Variants in HOXA4 observed in about 807,000 individuals in gnomAD.
HOXA4 encodes homeobox A4.
HOXA4 carries 31 observed loss-of-function variants against 25.3 expected under a neutral mutation model. The observed-to-expected ratio is 1.22, with a 90% CI of 0.92 to 1.65. HOXA4 has a LOEUF of 1.65. Among genes scored for constraint, HOXA4 ranks in the 40% most tolerant of loss-of-function variants. The pLI, the probability that HOXA4 is intolerant of heterozygous loss-of-function variation, is 0.00. For synonymous variants in HOXA4, 225 were observed against 207.7 expected, an observed-to-expected ratio of 1.08 and a Z score of -0.72; for missense variants, 459 against 446.0, an observed-to-expected ratio of 1.03 and a Z score of -0.26.
Position 27,129,535 on chromosome 7 carries a change from G to C in HOXA4, c.653C>G (p.Ser218Cys), listed in dbSNP as rs756186939. 1 of 1,613,988 alleles carries C rather than the reference G, an allele frequency of 6.2e-7. No individual in the cohort carries two copies. The highest frequency in any genetic ancestry group is 8.5e-7 in the Non-Finnish European group (1 of 1,180,020). Residue 218 changes from serine to cysteine, a missense_variant, in exon 2 of 2, where the codon TCT (serine) becomes TGT (cysteine). Ser to Cys is a moderately radical substitution (Grantham distance 112). Coordinates refer to ENST00000360046, the MANE Select transcript of HOXA4 (RefSeq NM_002141.5). ...PSYNGGEPKR[S>C]RTAYTRQQVL... ...CTGCTGCCGGGTGTAGGCGGTTCGA[G>C]AGCGCTTAGGCTCCCCTCCGTTATA... is the stretch of plus-strand genomic sequence containing the variant.
Position 27,129,242 on chromosome 7 carries a change from CG to C in HOXA4, c.945del (p.Val316PhefsTer38). On this transcript the variant is annotated frameshift_variant, in exon 2 of 2. Coordinates refer to ENST00000360046, the MANE Select transcript of HOXA4 (RefSeq NM_002141.5). LOFTEE classifies it high-confidence loss of function. ...CTAGAAGATTATATGGAGGAGGGAA[CG>C]GGTGTGGAGGTGCTCGGGTGGGGGT... ...HPHPHPSTST[P>X]VPSSI 1 of 1,369,296 alleles carries C rather than the reference CG, an allele frequency of 7.3e-7. No individual in the cohort carries two copies. 84.8% of individuals were successfully genotyped at this position (1,369,296 alleles called of 1,614,324 possible). A position where few individuals can be genotyped will look rare whatever the true frequency, so the allele number is the denominator to read the frequency against.
In HOXA4 at chr7:27,130,327, A is replaced by T. The variant is rs1416496517; in HGVS notation, c.407T>A (p.Leu136Gln). The T allele has an allele frequency of 1.8e-6, 2 of 1,100,726 alleles. No individual in the cohort carries two copies. Among genetic ancestry groups the T allele is most frequent in the East Asian group, 1.0e-4 (2 of 19,268 alleles). The allele number at this position is 1,100,726 out of a possible 1,614,324, so 68.2% of individuals were successfully genotyped here. A position where few individuals can be genotyped will look rare whatever the true frequency, so the allele number is the denominator to read the frequency against. Residue 136 changes from leucine to glutamine, a missense_variant, in exon 1 of 2, where the codon CTG becomes CAG. By Grantham distance (113) the Leu-to-Gln change is moderately radical (BLOSUM62 -2). Transcript: ENST00000360046. ...PAHGLHASHV[L>Q]QPQLPPPLQP... ...CAGGGGCGGCGGCAGCTGGGGCTGC[A>T]GGACGTGGCTCGCATGCAGGCCGTG...
At position 27,130,613 on chromosome 7, in the gene HOXA4, CG is replaced by C. The variant is rs1562723181; in HGVS notation, c.120del (p.Gly41AlafsTer147). On this transcript the variant is annotated frameshift_variant, in exon 1 of 2. Coordinates refer to ENST00000360046, the MANE Select transcript of HOXA4 (RefSeq NM_002141.5). LOFTEE classifies it high-confidence loss of function. ...GGADGGPGGGPGYQQPPAPPT... is the reference protein window; with the variant it reads ...GGADGGPGGGXGYQQPPAPPT... ...GGGGGCGCTGGGGGCTGCTGGTAGC[CG>C]GGGCCCCCGCCCGGGCCGCCGTCTG... 6.5e-7 allele frequency: 1 copy of C among 1,548,652 alleles called. No individual in the cohort carries two copies. Among genetic ancestry groups the C allele is most frequent in the Admixed American group, 1.9e-5 (1 of 51,808 alleles).
chr7:27,130,712 T>C lies in HOXA4; in HGVS notation c.22A>G (p.Ile8Val). 1 of 1,607,876 alleles carries C rather than the reference T, an allele frequency of 6.2e-7. No individual in the cohort carries two copies. Among genetic ancestry groups the C allele is most frequent in the Non-Finnish European group, 8.5e-7 (1 of 1,176,934 alleles). ...TTGGGCTCGATGTAGTTGGAGTTTA[T>C]CAAAAACGAGCTCATGGTCATTAAT... MTMSSFL[I>V]NSNYIEPKFP... Residue 8 changes from isoleucine to valine, a missense_variant, in exon 1 of 2, where the codon ATA becomes GTA. Coordinates refer to ENST00000360046, the MANE Select transcript of HOXA4 (RefSeq NM_002141.5).
rs1290913406 is a variant in HOXA4, at chr7:27,130,266, G to C, written c.468C>G (p.Arg156=). The C allele has an allele frequency of 2.6e-6, 3 of 1,156,276 alleles. No individual in the cohort carries two copies. In the African/African-American group the frequency reaches 5.0e-5, roughly 19 times the overall value. 71.6% of individuals were successfully genotyped at this position (1,156,276 alleles called of 1,614,324 possible). ...PRAVPPAAPR[R]CEAAPATPGV... is the part of the protein sequence containing the mutation. ...CTGGGGTGGCGGGGGCCGCCTCGCA[G>C]CGCCGCGGGGCCGCTGGGGGCACGG... Residue 156 remains arginine (R), a synonymous_variant, in exon 1 of 2, where the codon CGC becomes CGG. Coordinates refer to ENST00000360046, the MANE Select transcript of HOXA4 (RefSeq NM_002141.5).
rs1785480771 is a variant in HOXA4, at chr7:27,130,338, C to T, written c.396G>A (p.Ala132=). The T allele has an allele frequency of 1.8e-6, 2 of 1,112,620 alleles. No homozygotes were observed. The highest frequency in any genetic ancestry group is 8.6e-5 in the South Asian group (2 of 23,274). 68.9% of individuals were successfully genotyped at this position (1,112,620 alleles called of 1,614,324 possible). A position where few individuals can be genotyped will look rare whatever the true frequency, so the allele number is the denominator to read the frequency against. ...QAKGPAHGLH[A]SHVLQPQLPP... ...GCAGCTGGGGCTGCAGGACGTGGCT[C>T]GCATGCAGGCCGTGCGCTGGGCCCT... The change falls in exon 1 of 2, where the codon GCG becomes GCA. Residue 132 remains alanine (A), a synonymous_variant. Coordinates refer to ENST00000360046, the MANE Select transcript of HOXA4 (RefSeq NM_002141.5).
In HOXA4 at chr7:27,130,542, G is replaced by T. The variant is rs1324118880; in HGVS notation, c.192C>A (p.Gly64=). The change falls in exon 1 of 2, where the codon GGC becomes GGA. Residue 64 remains glycine (G), a synonymous_variant. Coordinates refer to ENST00000360046, the MANE Select transcript of HOXA4 (RefSeq NM_002141.5). The part of the protein sequence containing the change: ...PLQQPQLPHA[G]GGREPTASYY... ...AGGAGGCAGTGGGCTCTCGGCCGCC[G>T]CCCGCGTGAGGGAGCTGGGGCTGCT... 6 of 1,374,864 alleles carry T rather than the reference G, an allele frequency of 4.4e-6. No homozygotes were observed. The highest frequency in any genetic ancestry group is 5.7e-6 in the Non-Finnish European group (6 of 1,059,726). The allele number at this position is 1,374,864 out of a possible 1,614,324, so 85.2% of individuals were successfully genotyped here.
In HOXA4 at chr7:27,129,529, G is replaced by C. The variant is rs1202003894; in HGVS notation, c.659C>G (p.Thr220Ser). The C allele has an allele frequency of 6.2e-7, 1 of 1,614,122 alleles. No individual in the cohort carries two copies. The highest frequency in any genetic ancestry group is 1.1e-5 in the South Asian group (1 of 91,084). Reference protein sequence around the residue: ...YNGGEPKRSRTAYTRQQVLEL... With the variant: ...YNGGEPKRSRSAYTRQQVLEL... ...CAAGACCTGCTGCCGGGTGTAGGCG[G>C]TTCGAGAGCGCTTAGGCTCCCCTCC... The change falls in exon 2 of 2, where the codon ACC becomes AGC. Residue 220 changes from threonine to serine, a missense_variant. Coordinates refer to ENST00000360046, the MANE Select transcript of HOXA4 (RefSeq NM_002141.5).
In HOXA4 at chr7:27,130,598, G is replaced by C; in HGVS notation, c.136C>G (p.Pro46Ala). 6.5e-7 allele frequency: 1 copy of C among 1,531,802 alleles called. No homozygotes were observed. The highest frequency in any genetic ancestry group is 8.8e-7 in the Non-Finnish European group (1 of 1,137,436). 94.9% of individuals were successfully genotyped at this position (1,531,802 alleles called of 1,614,324 possible). ...GGCAGGTGCTGGGTCGGGGGCGCTG[G>C]GGGCTGCTGGTAGCCGGGGCCCCCG... ...PGGGPGYQQP[P>A]APPTQHLPLQ... is the part of the protein sequence containing the mutation. Residue 46 changes from proline (P) to alanine (A), a missense_variant, in exon 1 of 2, where the codon CCA becomes GCA. Transcript: ENST00000360046.
At position 27,129,450 on chromosome 7, in the gene HOXA4, G is replaced by A; in HGVS notation, c.738C>T (p.Ile246=). The change falls in exon 2 of 2, where the codon ATC becomes ATT. Residue 246 remains isoleucine, a synonymous_variant. Transcript: ENST00000360046. ...ACAAACAGAGCGTGTGGGCGATCTC[G>A]ATGCGGCGCCGCCGGGTCAGGTATC... ...FNRYLTRRRR[I]EIAHTLCLSE... The A allele has an allele frequency of 6.2e-7, 1 of 1,614,222 alleles. No homozygotes were observed.
Position 27,130,236 on chromosome 7 carries a change from G to C in HOXA4, c.498C>G (p.Val166=), listed in dbSNP as rs754293061. The C allele has an allele frequency of 2.5e-5, 33 of 1,329,604 alleles. No homozygotes were observed. The highest frequency in any genetic ancestry group is 2.6e-5 in the Non-Finnish European group (27 of 1,037,688). 82.4% of individuals were successfully genotyped at this position (1,329,604 alleles called of 1,614,324 possible). A position where few individuals can be genotyped will look rare whatever the true frequency, so the allele number is the denominator to read the frequency against. Residue 166 remains valine, a synonymous_variant, in exon 1 of 2, where the codon GTC becomes GTG. Coordinates refer to ENST00000360046, the MANE Select transcript of HOXA4 (RefSeq NM_002141.5). ...RCEAAPATPG[V]PAGGSAPACP... ...ACGCGGGGGCGCTGCCCCCTGCCGG[G>C]ACGCCTGGGGTGGCGGGGGCCGCCT...
At chr7:27,129,621 G>T in intron 1 of HOXA4, 50 bp from the exon 2 acceptor site, 2 of 1,598,708 alleles carry the variant, frequency 1.3e-6, no homozygotes, top group Non-Finnish European at 1.7e-6. Context: ...GGGAGCGGAA[G>T]AGAGGGAAAG....
chr7:27,129,523 T>A lies in HOXA4; in HGVS notation c.665A>T (p.Tyr222Phe). The A allele has an allele frequency of 1.2e-6, 2 of 1,614,044 alleles. No homozygotes were observed. The highest frequency in any genetic ancestry group is 8.5e-7 in the Non-Finnish European group (1 of 1,180,022). The change falls in exon 2 of 2, where the codon TAC (tyrosine) becomes TTC (phenylalanine). Residue 222 changes from tyrosine to phenylalanine, a missense_variant. Tyr to Phe is a conservative substitution (Grantham distance 22, BLOSUM62 3). Transcript: ENST00000360046. Reference sequence around the variant, plus strand: ...CAGCTCCAAGACCTGCTGCCGGGTGTAGGCGGTTCGAGAGCGCTTAGGCTC... The same window carrying A: ...CAGCTCCAAGACCTGCTGCCGGGTGAAGGCGGTTCGAGAGCGCTTAGGCTC... The part of the protein sequence containing the change: ...GGEPKRSRTA[Y>F]TRQQVLELEK...
Position 27,129,519 on chromosome 7 carries a change from G to C in HOXA4, c.669C>G (p.Thr223=). ...GEPKRSRTAY[T]RQQVLELEKE... is the part of the protein sequence containing the mutation. ...TCTCCAGCTCCAAGACCTGCTGCCG[G>C]GTGTAGGCGGTTCGAGAGCGCTTAG... The change falls in exon 2 of 2, where the codon ACC becomes ACG. Residue 223 remains threonine (T), a synonymous_variant. Transcript: ENST00000360046. The C allele has an allele frequency of 6.2e-7, 1 of 1,614,144 alleles. No individual in the cohort carries two copies. Among genetic ancestry groups the C allele is most frequent in the South Asian group, 1.1e-5 (1 of 91,076 alleles).
rs892636945 is a variant in HOXA4, at chr7:27,128,709, C to T, written c.*516G>A. 4 of 168,268 alleles carry T rather than the reference C, an allele frequency of 2.4e-5. No homozygotes were observed. The highest frequency in any genetic ancestry group is 5.3e-5 in the Non-Finnish European group (4 of 76,008). 10.4% of individuals were successfully genotyped at this position (168,268 alleles called of 1,614,324 possible). ...AAGTAAGAAAAACTAACATGTCACA[C>T]CTACCATCAAGGTCTACACATCTTA... On this transcript the variant is annotated 3_prime_UTR_variant, in exon 2 of 2. Coordinates refer to ENST00000360046, the MANE Select transcript of HOXA4 (RefSeq NM_002141.5).
chr7:27,130,081 G>C (rs1380877556), intron 1 of HOXA4, 37 bp downstream of exon 1: 2 of 1,555,422 alleles, frequency 1.3e-6, no homozygotes, highest in Non-Finnish European at 1.7e-6. Context: ...GCCCAGCCCC[G>C]GCCCACCTCC....
At position 27,130,170 on chromosome 7, in the gene HOXA4, C is replaced by T. The variant is rs867495371; in HGVS notation, c.564G>A (p.Lys188=). The T allele has an allele frequency of 3.8e-6, 6 of 1,598,064 alleles. No homozygotes were observed. Among genetic ancestry groups the T allele is most frequent in the East Asian group, 2.3e-5 (1 of 44,206 alleles). Residue 188 remains lysine, a synonymous_variant, in exon 1 of 2, where the codon AAG becomes AAA. Coordinates refer to ENST00000360046, the MANE Select transcript of HOXA4 (RefSeq NM_002141.5). The stretch of plus-strand genomic sequence containing the variant: ...AGGGGTACACCACGGGCTCCTTGCC[C>T]TTCAGGCCCAGCGGGCTCTTGTCGG... ...LLADKSPLGL[K]GKEPVVYPWM...
Position 27,130,757 on chromosome 7 carries a change from T to G in HOXA4, c.-24A>C, listed in dbSNP as rs763362706. 1 of 1,593,928 alleles carries G rather than the reference T, an allele frequency of 6.3e-7. No individual in the cohort carries two copies. The highest frequency in any genetic ancestry group is 8.6e-7 in the Non-Finnish European group (1 of 1,169,182). On this transcript the variant is annotated 5_prime_UTR_variant, in exon 1 of 2. Transcript: ENST00000360046. ...ATTAATTTGTGAAGTGCAAAAATAC[T>G]AATTTTTCTCGCGTTGTCGTTTTTT...
rs866363934 is a variant in HOXA4 at position 27,130,272 on chromosome 7, C to T, written c.462G>A (p.Pro154=). 2.6e-6 allele frequency: 3 copies of T among 1,144,060 alleles called. No homozygotes were observed. The highest frequency in any genetic ancestry group is 3.3e-5 in the African/African-American group (2 of 60,216). 70.9% of individuals were successfully genotyped at this position (1,144,060 alleles called of 1,614,324 possible). ...TGGCGGGGGCCGCCTCGCAGCGCCG[C>T]GGGGCCGCTGGGGGCACGGCGCGAG... The part of the protein sequence containing the change: ...LQPRAVPPAA[P]RRCEAAPATP... Residue 154 remains proline, a synonymous_variant, in exon 1 of 2, where the codon CCG becomes CCA. Transcript: ENST00000360046.
Sources: allele counts gnomAD v4.1 joint callset, GRCh38; gene constraint gnomAD v4.1.1; transcripts MANE v1.5; gene names NCBI Gene and HGNC (gene_info 2026-07-23, HGNC 2026-07-21).